The following ATP9B variants were observed in gnomAD, a reference collection of about 807,000 sequenced individuals.
The protein encoded by ATP9B is ATPase phospholipid transporting 9B.
In ATP9B, 110 loss-of-function variants were observed where a neutral mutation model predicts 146.1. The ratio of observed to expected loss-of-function variants is 0.75; its 90% CI spans 0.65 to 0.88. ATP9B has a LOEUF of 0.88. Among genes scored for constraint, ATP9B ranks in the 40% least tolerant of loss-of-function variants. The pLI is 0.00. For synonymous variants in ATP9B, 604 were observed against 569.7 expected (o/e 1.06, Z -0.86); for missense variants, 1,499 against 1,496.4 (o/e 1.00, Z -0.03).
At chr18:79,359,222 C>T in intron 25 of ATP9B, 132 bp from the exon 26 acceptor site, 1 of 637,978 alleles carries the variant, frequency 1.6e-6, no homozygotes, top group Non-Finnish European at 2.7e-6. Flanking sequence ...ACTTGGTTGC[C>T]AACTTACTTT....
At chr18:79,289,471 C>A (rs994119609) in intron 13 of ATP9B, among the ~76,000 whole-genome samples, 1 of 152,202 alleles carries the variant, frequency 6.6e-6, no homozygotes, top group African/African-American at 2.4e-5. Context: ...TCCATCAGCT[C>A]CTTTAAGCAC....
intron 8 of ATP9B, among the ~76,000 whole-genome samples, chr18:79,181,885 G>A (rs1170989699): frequency 6.6e-6 from 1 of 151,948 alleles, no homozygotes; most frequent in East Asian, 1.9e-4. Flanking sequence ...TGTCACTTTT[G>A]GGTATGTTTC....
intron 1 of ATP9B, among the ~76,000 whole-genome samples, chr18:79,081,904 G>A (rs1186102587): frequency 1.3e-5 from 2 of 152,104 alleles, no homozygotes; most frequent in Admixed American, 6.5e-5. Flanking sequence ...CTGTTCTCAA[G>A]GAGTATCTTT....
chr18:79,103,904 A>G (rs1276782170), intron 2 of ATP9B, among the ~76,000 whole-genome samples: 5 of 152,016 alleles, frequency 3.3e-5, no homozygotes, highest in South Asian at 2.1e-4. Context: ...ACTGCTACCA[A>G]TTTGCTTAGG....
At chr18:79,273,027 A>G (rs1449105023) in intron 12 of ATP9B, among the ~76,000 whole-genome samples, 2 of 152,214 alleles carry the variant, frequency 1.3e-5, no homozygotes, top group Non-Finnish European at 2.9e-5. Context: ...GAAAAGGGAA[A>G]TGGATTACTC....
At position 79,293,400 on chromosome 18, in the gene ATP9B, A is replaced by T. The variant is rs537967814; in HGVS notation, c.1412-10204A>T. Reference sequence around the variant, plus strand: ...GGGTCATGAGAGATCTGCTCTCATGAATGAATGAATCTACTCATGGATTAA... The same window carrying T: ...GGGTCATGAGAGATCTGCTCTCATGTATGAATGAATCTACTCATGGATTAA... On this transcript the variant is annotated intron_variant, in intron 13 of 29. Transcript: ENST00000426216. 5.9e-5 allele frequency among the ~76,000 whole-genome samples: 9 copies of T among 152,262 alleles called. No homozygotes were observed. In the South Asian group the frequency reaches 1.9e-3, roughly 32 times the overall value.
Position 79,277,084 on chromosome 18 carries a change from G to A in ATP9B, c.1299G>A (p.Ala433=), listed in dbSNP as rs761678693. 2.2e-5 allele frequency: 35 copies of A among 1,614,044 alleles called. No individual in the cohort carries two copies. The highest frequency in any genetic ancestry group is 1.1e-4 in the South Asian group (10 of 91,082). The stretch of plus-strand genomic sequence containing the variant: ...GTGTGAACTTGGACATGGGCAAAGC[G>A]GTGTATGGATGGATGATGATGAAAG... The part of the protein sequence containing the change: ...SLRVNLDMGK[A]VYGWMMMKDE... The change falls in exon 13 of 30, where the codon GCG becomes GCA. Residue 433 remains alanine, a synonymous_variant. Coordinates refer to ENST00000426216, the MANE Select transcript of ATP9B (RefSeq NM_198531.5).
chr18:79,124,847 G>T (rs1438178139), intron 4 of ATP9B, among the ~76,000 whole-genome samples: 1 of 152,194 alleles, frequency 6.6e-6, no homozygotes, highest in Non-Finnish European at 1.5e-5. Flanking sequence ...GGAGGAAGGA[G>T]CCATAGTATT....
chr18:79,177,759 CATT>C (rs1279154978), intron 8 of ATP9B, among the ~76,000 whole-genome samples: 1 of 152,120 alleles, frequency 6.6e-6, no homozygotes, highest in Non-Finnish European at 1.5e-5. Flanking sequence ...ACATGGACTT[CATT>C]AGCCTTCAGG....
intron 13 of ATP9B, among the ~76,000 whole-genome samples, chr18:79,282,492 C>T (rs966041238): frequency 2.0e-5 from 3 of 152,164 alleles, no homozygotes; most frequent in Non-Finnish European, 4.4e-5. Context: ...AAGACAAGAC[C>T]CTCTACCAGC....
chr18:79,130,520 G>GAA (rs1357354160), intron 5 of ATP9B, among the ~76,000 whole-genome samples: 1 of 151,920 alleles, frequency 6.6e-6, no homozygotes, highest in Non-Finnish European at 1.5e-5. Context: ...GAGAGAGAGA[G>GAA]AGGACAGAGA....
chr18:79,131,838 A>G (rs766588977), intron 5 of ATP9B, among the ~76,000 whole-genome samples: 7 of 152,234 alleles, frequency 4.6e-5, no homozygotes, highest in Non-Finnish European at 1.0e-4. Flanking sequence ...ACATTATGCT[A>G]TGTGGAAGAA....
chr18:79,171,707 T>C (rs1386201333), intron 7 of ATP9B, among the ~76,000 whole-genome samples: 1 of 152,200 alleles, frequency 6.6e-6, no homozygotes, highest in East Asian at 1.9e-4. Context: ...GGTGCAGAAC[T>C]GTTGCACCAC....
intron 23 of ATP9B, 24 bp downstream of exon 23, chr18:79,345,863 C>T (rs1225558323): frequency 5.0e-6 from 8 of 1,613,026 alleles, no homozygotes; most frequent in Non-Finnish European, 6.8e-6. Context: ...TTTATCAACA[C>T]ATTAGCACAC....
chr18:79,244,621 A>G (rs1319357394), intron 11 of ATP9B, among the ~76,000 whole-genome samples: 1 of 152,174 alleles, frequency 6.6e-6, no homozygotes, highest in Non-Finnish European at 1.5e-5. Context: ...TCAGCAACAT[A>G]TTTTGTAAAT....
At chr18:79,135,727 A>G (rs998156910) in intron 5 of ATP9B, among the ~76,000 whole-genome samples, 5 of 152,046 alleles carry the variant, frequency 3.3e-5, no homozygotes, top group African/African-American at 9.7e-5. Flanking sequence ...AGGTTTTACA[A>G]ATGTTTCTTT....
At position 79,307,131 on chromosome 18, in the gene ATP9B, T is replaced by G. The variant is rs1041600981; in HGVS notation, c.1670T>G (p.Val557Gly). The G allele has an allele frequency of 8.7e-6, 14 of 1,614,174 alleles. No individual in the cohort carries two copies. Among genetic ancestry groups the G allele is most frequent in the Non-Finnish European group, 3.4e-6 (4 of 1,180,016 alleles). Residue 557 changes from valine to glycine, a missense_variant, in exon 15 of 30, where the codon GTG becomes GGG. By Grantham distance (109) the Val-to-Gly change is moderately radical (BLOSUM62 -3). Transcript: ENST00000426216. ...AIVLCHNVTP[V>G]YESRAGVTEE... ...GTGCTGTGTCACAACGTGACCCCCG[T>G]GTATGAGTCTCGGGCCGGCGTTACT... is the stretch of plus-strand genomic sequence containing the variant.
intron 2 of ATP9B, among the ~76,000 whole-genome samples, chr18:79,105,939 G>C (rs1568186149): frequency 6.6e-6 from 1 of 152,138 alleles, no homozygotes; most frequent in African/African-American, 2.4e-5. Context: ...TCTAATTTTT[G>C]GGGGGTGGAG....
intron 11 of ATP9B, among the ~76,000 whole-genome samples, chr18:79,244,254 C>T (rs2095918703): frequency 6.6e-6 from 1 of 152,090 alleles, no homozygotes; most frequent in Non-Finnish European, 1.5e-5. Context: ...CACCCCCCTG[C>T]CCTCCTGTGC....
Sources: allele counts gnomAD v4.1 joint callset (sites outside exome capture counted in the v4.1 genomes callset), GRCh38; gene constraint gnomAD v4.1.1; transcripts MANE v1.5; gene names NCBI Gene and HGNC (gene_info 2026-07-23, HGNC 2026-07-21).